OLFM3: variants seen among roughly 807,000 people sequenced by gnomAD.
The protein encoded by OLFM3 is noelin-3.
Under a neutral mutation model 48.6 loss-of-function variants are expected in OLFM3, and 20 were observed. The observed-to-expected ratio is 0.41, with a 90% confidence interval of 0.29 to 0.60. The LOEUF is 0.60. OLFM3 is among the 20% of genes least tolerant of loss of function. The pLI is 0.28. For synonymous variants in OLFM3, 222 were observed against 198.1 expected, an observed-to-expected ratio of 1.12 and a Z score of -1.01; for missense variants, 437 against 544.3, an observed-to-expected ratio of 0.80 and a Z score of 1.96.
chr1:101,961,972 A>G (rs1246954086), intron 1 of OLFM3, among the ~76,000 whole-genome samples: 1 of 152,132 alleles, frequency 6.6e-6, no homozygotes, highest in Non-Finnish European at 1.5e-5. Context: ...TTTCCTTTTC[A>G]TCTGTTAACA....
chr1:101,990,568 A>C (rs1661370157), intron 1 of OLFM3, among the ~76,000 whole-genome samples: 1 of 152,220 alleles, frequency 6.6e-6, no homozygotes, highest in Non-Finnish European at 1.5e-5. Flanking sequence ...GAAAAGTTGT[A>C]CTGTTAGAGC....
intron 1 of OLFM3, among the ~76,000 whole-genome samples, chr1:101,957,924 T>C (rs187111002): frequency 1.7e-4 from 26 of 152,166 alleles, no homozygotes; most frequent in Non-Finnish European, 3.7e-4. Flanking sequence ...ACATAATGCC[T>C]GCATTTAACT....
chr1:101,981,869 A>G (rs563700650), intron 1 of OLFM3, among the ~76,000 whole-genome samples: 1 of 152,218 alleles, frequency 6.6e-6, no homozygotes, highest in Non-Finnish European at 1.5e-5. Flanking sequence ...AATGAGTAAA[A>G]TAATGAAAGA....
At chr1:101,983,188 G>A (rs1277506581) in intron 1 of OLFM3, among the ~76,000 whole-genome samples, 3 of 152,176 alleles carry the variant, frequency 2.0e-5, no homozygotes, top group Non-Finnish European at 4.4e-5. Flanking sequence ...AAAAACTCAA[G>A]TCATGTAAAA....
At chr1:101,889,543 T>C (rs963416494) in intron 1 of OLFM3, among the ~76,000 whole-genome samples, 2 of 151,928 alleles carry the variant, frequency 1.3e-5, no homozygotes, top group African/African-American at 4.8e-5. Flanking sequence ...AGGAGATGTA[T>C]CTAATGTAAA....
At chr1:101,925,465 T>C (rs962972951) in intron 1 of OLFM3, among the ~76,000 whole-genome samples, 2 of 151,930 alleles carry the variant, frequency 1.3e-5, no homozygotes, top group African/African-American at 4.8e-5. Context: ...AGTTTTGTAA[T>C]TGTGTATGTG....
intron 1 of OLFM3, among the ~76,000 whole-genome samples, chr1:101,896,170 A>T (rs1297535198): frequency 1.3e-5 from 2 of 152,132 alleles, no homozygotes; most frequent in Admixed American, 1.3e-4. Flanking sequence ...TTTAAATAAC[A>T]TTAACATGGC....
chr1:101,895,207 T>A (rs10874526), intron 1 of OLFM3, among the ~76,000 whole-genome samples: 82,559 of 151,796 alleles, frequency 0.54, 22,697 homozygotes, highest in East Asian at 0.59. Flanking sequence ...GTTTTACCAC[T>A]GTTTTGGACT....
At chr1:101,949,597 T>G (rs1000897654) in intron 1 of OLFM3, among the ~76,000 whole-genome samples, 1 of 152,202 alleles carries the variant, frequency 6.6e-6, no homozygotes, top group South Asian at 2.1e-4. Context: ...AGTGACCTTT[T>G]TATAACAAAA....
rs1181188533 is a variant in OLFM3, at chr1:101,962,638, A to C, written c.69+34110T>G. ...ACTAACAGCTTTAAAATTACTTCAA[A>C]AAACAAACATAGTCTTGATTAAGAA... On this transcript the variant is annotated intron_variant, in intron 1 of 5. Coordinates refer to ENST00000370103, the MANE Select transcript of OLFM3 (RefSeq NM_058170.4). Among the ~76,000 whole-genome samples, 3 of 152,250 alleles carry C rather than the reference A, an allele frequency of 2.0e-5. No homozygotes were observed. In the East Asian group the frequency reaches 5.8e-4, roughly 29 times the overall value.
chr1:101,846,220 T>C (rs1363657834), intron 1 of OLFM3, among the ~76,000 whole-genome samples: 1 of 152,202 alleles, frequency 6.6e-6, no homozygotes, highest in Non-Finnish European at 1.5e-5. Context: ...GACAGTCTTG[T>C]GATAGGAAGT....
chr1:101,843,349 C>G (rs1655821516), intron 1 of OLFM3, among the ~76,000 whole-genome samples: 1 of 152,132 alleles, frequency 6.6e-6, no homozygotes, highest in Non-Finnish European at 1.5e-5. Flanking sequence ...CAGGGTCTTC[C>G]TGGTGTGAAG....
At chr1:101,840,928 T>G (rs1010906323) in intron 1 of OLFM3, among the ~76,000 whole-genome samples, 16 of 152,200 alleles carry the variant, frequency 1.1e-4, no homozygotes, top group Non-Finnish European at 2.4e-4. Flanking sequence ...CTTTGAACCT[T>G]TCGTGTTAAT....
At chr1:101,930,158 A>G (rs1659402085) in intron 1 of OLFM3, among the ~76,000 whole-genome samples, 1 of 152,188 alleles carries the variant, frequency 6.6e-6, no homozygotes, top group Non-Finnish European at 1.5e-5. Context: ...AAATCTCTTC[A>G]GGAGCTAAAT....
At chr1:101,962,975 C>G (rs1003141374) in intron 1 of OLFM3, among the ~76,000 whole-genome samples, 1 of 152,176 alleles carries the variant, frequency 6.6e-6, no homozygotes, top group African/African-American at 2.4e-5. Context: ...TGAAGCTAAC[C>G]ATTTCATTGT....
chr1:101,938,548 C>T (rs779296368), intron 1 of OLFM3, among the ~76,000 whole-genome samples: 1 of 152,142 alleles, frequency 6.6e-6, no homozygotes, highest in African/African-American at 2.4e-5. Context: ...ATTGCTATTC[C>T]CACCAAGATC....
chr1:101,918,083 T>A (rs1319744905), intron 1 of OLFM3, among the ~76,000 whole-genome samples: 3 of 152,186 alleles, frequency 2.0e-5, no homozygotes, highest in Non-Finnish European at 4.4e-5. Flanking sequence ...AATACTTCAA[T>A]ACTAATTAAG....
At chr1:101,967,756 G>A (rs1418443405) in intron 1 of OLFM3, among the ~76,000 whole-genome samples, 3 of 152,164 alleles carry the variant, frequency 2.0e-5, no homozygotes, top group East Asian at 1.9e-4. Context: ...ACCACCTCCC[G>A]ACCCTGGACT....
At chr1:101,892,244 A>G (rs1658027686) in intron 1 of OLFM3, among the ~76,000 whole-genome samples, 1 of 138,976 alleles carries the variant, frequency 7.2e-6, no homozygotes, top group South Asian at 2.2e-4. Context: ...TCAGTTCGGT[A>G]TCAGAATGAC....
Sources: allele counts gnomAD v4.1 joint callset (sites outside exome capture counted in the v4.1 genomes callset), GRCh38; gene constraint gnomAD v4.1.1; transcripts MANE v1.5; gene names NCBI Gene and HGNC (gene_info 2026-07-23, HGNC 2026-07-21).